The following MAPKAP1 variants were observed in gnomAD, a reference collection of about 807,000 sequenced individuals.
MAPKAP1 encodes target of rapamycin complex 2 subunit MAPKAP1.
Under a neutral mutation model 65.7 loss-of-function variants are expected in MAPKAP1, and 20 were observed. The observed-to-expected ratio is 0.30, with a 90% CI of 0.21 to 0.44. MAPKAP1 has a LOEUF of 0.44. MAPKAP1 is among the 20% of genes least tolerant of loss of function. The pLI, the probability that MAPKAP1 is intolerant of heterozygous loss-of-function variation, is 1.00. For missense variants in MAPKAP1, 423 were observed against 648.0 expected, an observed-to-expected ratio of 0.65 and a Z score of 3.77; for synonymous variants, 222 against 244.3, an observed-to-expected ratio of 0.91 and a Z score of 0.85.
intron 10 of MAPKAP1, among the ~76,000 whole-genome samples, chr9:125,454,205 T>C (rs764670983): frequency 3.3e-5 from 5 of 152,260 alleles, no homozygotes; most frequent in Non-Finnish European, 7.3e-5. Context: ...CTTTTGACGC[T>C]TCAATTCATG....
At chr9:125,694,408 C>G (rs1835323082) in intron 1 of MAPKAP1, among the ~76,000 whole-genome samples, 1 of 151,878 alleles carries the variant, frequency 6.6e-6, no homozygotes, top group Non-Finnish European at 1.5e-5. Flanking sequence ...AGGACTTAAG[C>G]ACACATGCAT....
rs770437981 is a variant in MAPKAP1 at position 125,484,565 on chromosome 9, A to G, written c.1085T>C (p.Val362Ala). The change falls in exon 9 of 12, where the codon GTT becomes GCT. Residue 362 changes from valine (V) to alanine (A), a missense_variant. This residue lies in a region of MAPKAP1 where 185 missense variants were observed against 268.1 expected (regional missense o/e 0.69). Coordinates refer to ENST00000265960, the MANE Select transcript of MAPKAP1 (RefSeq NM_001006617.3). Reference protein sequence around the residue: ...VRENSSRADGVFEEDSQIDIA... With the variant: ...VRENSSRADGAFEEDSQIDIA... ...GTCAATTTGCGAATCCTCCTCAAAA[A>G]CCCCGTCTGCCCTTGAACCTGGGGA... 8 of 1,610,218 alleles carry G rather than the reference A, an allele frequency of 5.0e-6. No homozygotes were observed. Among genetic ancestry groups the G allele is most frequent in the Non-Finnish European group, 6.8e-6 (8 of 1,178,234 alleles).
intron 5 of MAPKAP1, among the ~76,000 whole-genome samples, chr9:125,564,996 T>C (rs1048272516): frequency 1.3e-5 from 2 of 152,004 alleles, no homozygotes; most frequent in Admixed American, 1.3e-4. Context: ...GACCAGGAAG[T>C]CTCCATGAGA....
At chr9:125,637,295 A>G (rs1833452257) in intron 4 of MAPKAP1, among the ~76,000 whole-genome samples, 1 of 152,144 alleles carries the variant, frequency 6.6e-6, no homozygotes, top group Non-Finnish European at 1.5e-5. Context: ...AAAAATAAAA[A>G]TAAAAAAAGT....
intron 6 of MAPKAP1, among the ~76,000 whole-genome samples, chr9:125,555,483 G>A (rs1210077171): frequency 6.6e-6 from 1 of 152,230 alleles, no homozygotes; most frequent in Non-Finnish European, 1.5e-5. Context: ...CTGGAGCCCC[G>A]GGAATAGCCG....
chr9:125,652,206 A>G (rs1466106491), intron 4 of MAPKAP1: 3 of 1,317,560 alleles, frequency 2.3e-6, no homozygotes, highest in Admixed American at 3.9e-5. Flanking sequence ...TTTAATGCCA[A>G]TGATTGTAGA....
At chr9:125,470,396 C>T (rs941096150) in intron 9 of MAPKAP1, among the ~76,000 whole-genome samples, 5 of 152,226 alleles carry the variant, frequency 3.3e-5, no homozygotes, top group Non-Finnish European at 7.3e-5. Context: ...CTCATACATA[C>T]ATCACCAGCT....
At chr9:125,691,069 G>A (rs947082071) in intron 1 of MAPKAP1, among the ~76,000 whole-genome samples, 2 of 152,180 alleles carry the variant, frequency 1.3e-5, no homozygotes, top group East Asian at 3.9e-4. Context: ...AGACCATCCT[G>A]GCTAACACGG....
At chr9:125,514,987 A>G (rs1430442340) in intron 7 of MAPKAP1, among the ~76,000 whole-genome samples, 2 of 152,096 alleles carry the variant, frequency 1.3e-5, no homozygotes, top group South Asian at 2.1e-4. Context: ...AGAGGCAACT[A>G]TAATCATTTT....
At chr9:125,568,071 C>CA (rs1831115855) in intron 5 of MAPKAP1, 1 of 152,034 alleles carries the variant, frequency 6.6e-6, no homozygotes, top group Non-Finnish European at 1.5e-5. Flanking sequence ...TTAGGGGAGT[C>CA]AGAGTCTCTC....
chr9:125,682,302 A>C (rs1193604784), intron 1 of MAPKAP1, among the ~76,000 whole-genome samples: 1 of 152,208 alleles, frequency 6.6e-6, no homozygotes, highest in Non-Finnish European at 1.5e-5. Context: ...TCAAAACTCT[A>C]AATTTTACTC....
Position 125,438,910 on chromosome 9 carries a change from CCTT to C in MAPKAP1, c.1543_1545del (p.Lys515del), listed in dbSNP as rs1398649088. 1 of 1,614,176 alleles carries C rather than the reference CCTT, an allele frequency of 6.2e-7. No individual in the cohort carries two copies. The highest frequency in any genetic ancestry group is 1.7e-5 in the Admixed American group (1 of 60,028). On this transcript the variant is annotated inframe_deletion, in exon 12 of 12. Transcript: ENST00000265960. The stretch of plus-strand genomic sequence containing the variant: ...TGTCACTGCTGCCCGGATTTCTTCT[CCTT>C]CTGGAAGCTGAAGCTCGTACGTCTG...
At chr9:125,615,277 A>G (rs1589343896) in intron 4 of MAPKAP1, among the ~76,000 whole-genome samples, 2 of 152,324 alleles carry the variant, frequency 1.3e-5, no homozygotes, top group South Asian at 4.1e-4. Context: ...GGTCACTTAA[A>G]TGATATATCA....
chr9:125,451,663 G>A (rs1278247788), intron 10 of MAPKAP1, among the ~76,000 whole-genome samples: 1 of 152,082 alleles, frequency 6.6e-6, no homozygotes, highest in East Asian at 1.9e-4. Context: ...CTGGGCATTT[G>A]GTCTCCTAGT....
intron 4 of MAPKAP1, among the ~76,000 whole-genome samples, chr9:125,613,858 C>T (rs1165776333): frequency 1.3e-5 from 2 of 151,386 alleles, no homozygotes; most frequent in African/African-American, 4.9e-5. Context: ...AGTGCAGTGG[C>T]GCGATCTCAG....
At chr9:125,546,901 C>G (rs1830441643) in intron 6 of MAPKAP1, among the ~76,000 whole-genome samples, 1 of 152,124 alleles carries the variant, frequency 6.6e-6, no homozygotes, top group South Asian at 2.1e-4. Flanking sequence ...GGACAGACAA[C>G]CTGTTTTCCC....
At chr9:125,602,444 G>C (rs934506875) in intron 4 of MAPKAP1, among the ~76,000 whole-genome samples, 4 of 152,192 alleles carry the variant, frequency 2.6e-5, no homozygotes, top group Non-Finnish European at 4.4e-5. Context: ...CAAGAAAGCA[G>C]TAAGTGGCAG....
rs561561191 is a variant in MAPKAP1, at chr9:125,458,693, G to A, written c.1345+9279C>T. On this transcript the variant is annotated intron_variant, in intron 10 of 11. Coordinates refer to ENST00000265960, the MANE Select transcript of MAPKAP1 (RefSeq NM_001006617.3). ...TCCCCCCTTTCTATTCCACAAAACC[G>A]CCATCGTCATCCTGGCCTGTTCTCA... is the stretch of plus-strand genomic sequence containing the variant. Among the ~76,000 whole-genome samples, 176 of 147,856 alleles carry A rather than the reference G, an allele frequency of 1.2e-3. 1 individual carries two copies. Among genetic ancestry groups the A allele is most frequent in the African/African-American group, 4.3e-3 (170 of 39,896 alleles).
chr9:125,571,171 G>A (rs1831218590), intron 5 of MAPKAP1, among the ~76,000 whole-genome samples: 1 of 152,092 alleles, frequency 6.6e-6, no homozygotes, highest in Non-Finnish European at 1.5e-5. Flanking sequence ...TCCAAATTAT[G>A]GGAAACTCCT....
Sources: allele counts gnomAD v4.1 joint callset (sites outside exome capture counted in the v4.1 genomes callset), GRCh38; gene constraint gnomAD v4.1.1; regional missense constraint gnomAD v4.1.1; transcripts MANE v1.5; gene names NCBI Gene and HGNC (gene_info 2026-07-23, HGNC 2026-07-21).